Variants in NETO2 observed in about 807,000 individuals in gnomAD.
NETO2 encodes neuropilin and tolloid-like protein 2.
A neutral mutation model predicts 62.5 loss-of-function variants in NETO2; 28 were observed. That is an observed-to-expected ratio of 0.45 (90% CI 0.33 to 0.61). NETO2 has a LOEUF of 0.61. NETO2 is among the 20% of genes least tolerant of loss of function. The probability of loss-of-function intolerance (pLI) is 0.02; values close to 1 mark genes in which losing one functional copy is unlikely to be tolerated. For synonymous variants in NETO2, 214 were observed against 219.1 expected, an observed-to-expected ratio of 0.98 and a Z score of 0.21; for missense variants, 548 against 643.2, an observed-to-expected ratio of 0.85 and a Z score of 1.60.
At position 47,080,617 on chromosome 16, in the gene NETO2, T is replaced by C. The variant is rs1185638744; in HGVS notation, c.*2604A>G. ...AGAGAAGTTTAATAAATAAATGAGA[T>C]CTAATGCCCATCTATGATTCAATGA... On this transcript the variant is annotated 3_prime_UTR_variant, in exon 9 of 9. Transcript: ENST00000562435. 6.6e-6 allele frequency: 1 copy of C among 152,220 alleles called. No individual in the cohort carries two copies. Among genetic ancestry groups the C allele is most frequent in the Non-Finnish European group, 1.5e-5 (1 of 68,040 alleles). The allele number at this position is 152,220 out of a possible 1,614,324, so 9.4% of individuals were successfully genotyped here.
Position 47,083,029 on chromosome 16 carries a change from T to G in NETO2, c.*192A>C, listed in dbSNP as rs1368922299. The G allele has an allele frequency of 1.7e-5, 9 of 528,226 alleles. No homozygotes were observed. The highest frequency in any genetic ancestry group is 3.0e-5 in the Non-Finnish European group (9 of 303,354). 32.7% of individuals were successfully genotyped at this position (528,226 alleles called of 1,614,324 possible). A position where few individuals can be genotyped will look rare whatever the true frequency, so the allele number is the denominator to read the frequency against. On this transcript the variant is annotated 3_prime_UTR_variant, in exon 9 of 9. Transcript: ENST00000562435. ...TGATTATTGTTTCCACTGAATAGAGTAAGTTCCTTGATTGGTTTAACATAT... is the reference window on the plus strand; with the variant it reads ...TGATTATTGTTTCCACTGAATAGAGGAAGTTCCTTGATTGGTTTAACATAT...
intron 7 of NETO2, 99 bp downstream of exon 7, chr16:47,109,384 A>G: frequency 1.6e-6 from 1 of 612,622 alleles, no homozygotes; most frequent in Non-Finnish European, 2.5e-6. Flanking sequence ...AAAAAAAAAC[A>G]TCCTAAAATA....
intron 7 of NETO2, among the ~76,000 whole-genome samples, chr16:47,087,222 C>T (rs1413398426): frequency 6.6e-6 from 1 of 152,098 alleles, no homozygotes; most frequent in Admixed American, 6.6e-5. Context: ...GACGGGTTTT[C>T]ACTATGTTGG....
Position 47,128,394 on chromosome 16 carries a change from A to C in NETO2, c.412T>G (p.Trp138Gly). The change falls in exon 4 of 9, where the codon TGG becomes GGG. Residue 138 changes from tryptophan to glycine, a missense_variant. Coordinates refer to ENST00000562435, the MANE Select transcript of NETO2 (RefSeq NM_018092.5). ...TCTTCATCAGAACTAAACTTAATCC[A>C]CATGAATCTCCCTGTTGATCTAATT... ...PLIRSTGRFM[W>G]IKFSSDEELE... 10 of 1,614,082 alleles carry C rather than the reference A, an allele frequency of 6.2e-6. No individual in the cohort carries two copies. Among genetic ancestry groups the C allele is most frequent in the Non-Finnish European group, 8.5e-6 (10 of 1,179,970 alleles).
chr16:47,083,203 A>G lies in NETO2; in HGVS notation c.*18T>C. On this transcript the variant is annotated 3_prime_UTR_variant, in exon 9 of 9. Transcript: ENST00000562435. ...GTACGTACACACCCTAAGAATTCAC[A>G]TCACCATTAGCAGAAGATTAGAAGT... 1 of 1,586,782 alleles carries G rather than the reference A, an allele frequency of 6.3e-7. No individual in the cohort carries two copies. Among genetic ancestry groups the G allele is most frequent in the Non-Finnish European group, 8.6e-7 (1 of 1,165,242 alleles).
At chr16:47,103,583 CA>C (rs1223338934) in intron 7 of NETO2, among the ~76,000 whole-genome samples, 1 of 151,904 alleles carries the variant, frequency 6.6e-6, no homozygotes, top group African/African-American at 2.4e-5. Flanking sequence ...AAAAGATACA[CA>C]AAAAAACCTA....
At chr16:47,107,600 GC>G (rs1963701848) in intron 7 of NETO2, among the ~76,000 whole-genome samples, 1 of 152,172 alleles carries the variant, frequency 6.6e-6, no homozygotes, top group African/African-American at 2.4e-5. Flanking sequence ...GGCTGGTCCA[GC>G]GTTGGGTCAG....
chr16:47,125,750 G>C (rs1013536950), intron 4 of NETO2, among the ~76,000 whole-genome samples: 6 of 152,044 alleles, frequency 3.9e-5, no homozygotes, highest in African/African-American at 1.4e-4. Context: ...GAGTGCAGTG[G>C]TGTGATCATA....
At chr16:47,125,078 A>G (rs1252724085) in intron 4 of NETO2, among the ~76,000 whole-genome samples, 1 of 152,220 alleles carries the variant, frequency 6.6e-6, no homozygotes, top group Admixed American at 6.5e-5. Flanking sequence ...TTCAAATAAG[A>G]GTATTCTTTG....
intron 6 of NETO2, among the ~76,000 whole-genome samples, chr16:47,113,074 CACAGGTATG>C (rs1469393541): frequency 5.3e-5 from 8 of 152,134 alleles, no homozygotes; most frequent in Non-Finnish European, 1.2e-4. Flanking sequence ...TCTCTTTATG[CACAGGTATG>C]ACGATTTCAT....
intron 6 of NETO2, among the ~76,000 whole-genome samples, chr16:47,110,391 C>G (rs117636530): frequency 0.011 from 1,719 of 152,328 alleles, 13 homozygotes; most frequent in Non-Finnish European, 0.019. Flanking sequence ...CCTAAACACT[C>G]TTGACCCATT....
At chr16:47,103,325 A>T (rs549701004) in intron 7 of NETO2, among the ~76,000 whole-genome samples, 4 of 152,280 alleles carry the variant, frequency 2.6e-5, no homozygotes, top group Non-Finnish European at 4.4e-5. Flanking sequence ...TGATAATATT[A>T]GGAGAAATGT....
chr16:47,128,710 A>G (rs1964206806), intron 3 of NETO2, 137 bp from the exon 4 acceptor site: 1 of 885,738 alleles, frequency 1.1e-6, no homozygotes, highest in Non-Finnish European at 1.7e-6. Flanking sequence ...TTGCTATACA[A>G]GTCATGATAA....
chr16:47,105,574 A>G (rs1359834047), intron 7 of NETO2, among the ~76,000 whole-genome samples: 1 of 152,196 alleles, frequency 6.6e-6, no homozygotes, highest in African/African-American at 2.4e-5. Context: ...AGAGTGCAAA[A>G]AAGTCTGCTA....
At position 47,079,736 on chromosome 16, in the gene NETO2, C is replaced by T. The variant is rs1171976162; in HGVS notation, c.*3485G>A. Reference sequence around the variant, plus strand: ...TAAAACCACCAAAAACTCAATGATCCTTCTGGGTCTAATCAGTGTGATTCA... The same window carrying T: ...TAAAACCACCAAAAACTCAATGATCTTTCTGGGTCTAATCAGTGTGATTCA... On this transcript the variant is annotated 3_prime_UTR_variant, in exon 9 of 9. Coordinates refer to ENST00000562435, the MANE Select transcript of NETO2 (RefSeq NM_018092.5). The T allele has an allele frequency of 6.6e-6, 1 of 152,174 alleles. No individual in the cohort carries two copies. Among genetic ancestry groups the T allele is most frequent in the African/African-American group, 2.4e-5 (1 of 41,430 alleles). The allele number at this position is 152,174 out of a possible 1,614,324, so 9.4% of individuals were successfully genotyped here. A position where few individuals can be genotyped will look rare whatever the true frequency, so the allele number is the denominator to read the frequency against.
chr16:47,112,165 G>A (rs1275748421), intron 6 of NETO2, among the ~76,000 whole-genome samples: 1 of 151,882 alleles, frequency 6.6e-6, no homozygotes, highest in Non-Finnish European at 1.5e-5. Flanking sequence ...TGATCCTTCC[G>A]CCTCAGCCTC....
chr16:47,088,067 C>G (rs925307115), intron 7 of NETO2, among the ~76,000 whole-genome samples: 5 of 152,128 alleles, frequency 3.3e-5, no homozygotes, highest in African/African-American at 1.2e-4. Context: ...TATTATTTTC[C>G]CATTCAGTAC....
intron 1 of NETO2, 76 bp from the exon 2 acceptor site, chr16:47,132,101 G>A: frequency 9.0e-7 from 1 of 1,115,578 alleles, no homozygotes; most frequent in Non-Finnish European, 1.3e-6. Context: ...AATAAAATTG[G>A]ATGACAAAAA....
chr16:47,129,470 A>G lies in NETO2; in HGVS notation c.92-106T>C, dbSNP rs965452173. 1.4e-5 allele frequency: 16 copies of G among 1,145,556 alleles called. No homozygotes were observed. The African/African-American group carries it at 2.2e-4, about 15-fold the overall frequency. The allele number at this position is 1,145,556 out of a possible 1,614,324, so 71.0% of individuals were successfully genotyped here. A position where few individuals can be genotyped will look rare whatever the true frequency, so the allele number is the denominator to read the frequency against. On this transcript the variant is annotated intron_variant, in intron 2 of 8. Coordinates refer to ENST00000562435, the MANE Select transcript of NETO2 (RefSeq NM_018092.5). ...ATTGCTCACTCTATGCTACATATAT[A>G]AAATTTTCTAAGAACCACTGTCAAA...
Sources: gnomAD v4.1 joint callset for allele counts (sites outside exome capture counted in the v4.1 genomes callset) on GRCh38, gnomAD v4.1.1 for gene constraint, MANE v1.5 for transcripts, NCBI Gene and HGNC (gene_info 2026-07-23, HGNC 2026-07-21) for gene names.